Variants in MECOM observed in about 807,000 individuals in gnomAD.
MECOM encodes the protein MDS1 and EVI1 complex locus, also known as histone-lysine N-methyltransferase MECOM.
MECOM carries 13 observed loss-of-function variants against 116.3 expected under a neutral mutation model. That is an observed-to-expected ratio of 0.11 (90% CI 0.07 to 0.18). The LOEUF (loss-of-function observed/expected upper bound fraction) is 0.18, where lower values mean the gene tolerates loss of function less well. MECOM is among the 10% of genes least tolerant of loss of function. The pLI is 1.00. For missense variants in MECOM, 1,299 were observed against 1,509.0 expected, an observed-to-expected ratio of 0.86 and a Z score of 2.31; for synonymous variants, 528 against 535.2, an observed-to-expected ratio of 0.99 and a Z score of 0.19.
chr3:169,290,236 A>G (rs930879347), intron 2 of MECOM, among the ~76,000 whole-genome samples: 1 of 152,200 alleles, frequency 6.6e-6, no homozygotes, highest in African/African-American at 2.4e-5. Context: ...GGCACACTTG[A>G]GATATTTTTG....
chr3:169,406,075 A>G (rs375876117), intron 1 of MECOM, among the ~76,000 whole-genome samples: 74 of 152,340 alleles, frequency 4.9e-4, no homozygotes, highest in African/African-American at 1.7e-3. Flanking sequence ...TTGTTTAGCC[A>G]TTAATGATAT....
chr3:169,283,590 C>G (rs1405454477), intron 2 of MECOM, among the ~76,000 whole-genome samples: 2 of 152,096 alleles, frequency 1.3e-5, no homozygotes, highest in Non-Finnish European at 2.9e-5. Context: ...AATTATAGAT[C>G]TCATCTCCAG....
Position 169,588,473 on chromosome 3 carries a change from G to C in MECOM, c.37+74863C>G, listed in dbSNP as rs16854132. Among the ~76,000 whole-genome samples the C allele has an allele frequency of 4.4e-3, 666 of 152,266 alleles. 5 individuals are homozygous for C. Among genetic ancestry groups the C allele is most frequent in the African/African-American group, 0.015 (634 of 41,552 alleles). ...TGTTAGACATATAAGTGACATGGTG[G>C]CCAGAATTCAGGGGTGAAGGGAACT... is the stretch of plus-strand genomic sequence containing the variant. On this transcript the variant is annotated intron_variant, in intron 1 of 16. Transcript: ENST00000651503.
intron 2 of MECOM, among the ~76,000 whole-genome samples, chr3:169,244,308 T>A (rs1262944208): frequency 6.6e-6 from 1 of 152,186 alleles, no homozygotes; most frequent in African/African-American, 2.4e-5. Flanking sequence ...CTGCTGCAAA[T>A]GTTCTGGTGT....
chr3:169,388,046 GACAGGAAGGATT>G (rs1212239266), intron 1 of MECOM, among the ~76,000 whole-genome samples: 3 of 151,942 alleles, frequency 2.0e-5, no homozygotes, highest in Non-Finnish European at 4.4e-5. Context: ...CTTGCAAGCA[GACAGGAAGGATT>G]ACACGTGGCT....
intron 2 of MECOM, among the ~76,000 whole-genome samples, chr3:169,312,615 T>TG (rs1458250650): frequency 1.3e-5 from 2 of 152,174 alleles, no homozygotes; most frequent in Non-Finnish European, 2.9e-5. Flanking sequence ...CCTGACCTCG[T>TG]GATCCGCCCG....
intron 1 of MECOM, among the ~76,000 whole-genome samples, chr3:169,589,647 C>T (rs915527318): frequency 6.6e-6 from 1 of 152,178 alleles, no homozygotes; most frequent in Non-Finnish European, 1.5e-5. Flanking sequence ...CCTCCCCAAC[C>T]CCCACTGATT....
chr3:169,636,888 C>T (rs1434631056), intron 1 of MECOM, among the ~76,000 whole-genome samples: 3 of 152,182 alleles, frequency 2.0e-5, no homozygotes, highest in African/African-American at 7.2e-5. Flanking sequence ...ACACTCTAGA[C>T]TGTGATCTGT....
At chr3:169,214,576 G>A (rs1376003393) in intron 2 of MECOM, among the ~76,000 whole-genome samples, 1 of 151,696 alleles carries the variant, frequency 6.6e-6, no homozygotes, top group Non-Finnish European at 1.5e-5. Context: ...AAGTCATTGA[G>A]TACCCCAATA....
At chr3:169,383,371 A>G (rs1732794610) in intron 1 of MECOM, among the ~76,000 whole-genome samples, 1 of 152,172 alleles carries the variant, frequency 6.6e-6, no homozygotes, top group Non-Finnish European at 1.5e-5. Context: ...GTACCTTATC[A>G]TCTGCCCTCA....
intron 7 of MECOM, 73 bp from the exon 8 acceptor site, chr3:169,116,812 G>A: frequency 6.7e-7 from 1 of 1,492,922 alleles, no homozygotes; most frequent in South Asian, 1.4e-5. Flanking sequence ...TATCACAATT[G>A]GTTTACTCAA....
rs1242981933 is a variant in MECOM, at chr3:169,580,330, AG to A, written c.37+83005del. On this transcript the variant is annotated intron_variant, in intron 1 of 16. Transcript: ENST00000651503. ...ATTTTGGTGGACCCATCACCCGAGC[AG>A]GGTACGCTGTACCCAATGTGTAGTG... Among the ~76,000 whole-genome samples, 9 of 152,262 alleles carry A rather than the reference AG, an allele frequency of 5.9e-5. No homozygotes were observed. The South Asian group carries it at 1.7e-3, about 28-fold the overall frequency.
At chr3:169,312,937 C>T (rs1719078131) in intron 2 of MECOM, among the ~76,000 whole-genome samples, 1 of 152,118 alleles carries the variant, frequency 6.6e-6, no homozygotes, top group Non-Finnish European at 1.5e-5. Flanking sequence ...TGGAAAGAAA[C>T]ACTGCCCTGG....
chr3:169,233,071 G>T (rs1472577816), intron 2 of MECOM, among the ~76,000 whole-genome samples: 1 of 152,024 alleles, frequency 6.6e-6, no homozygotes, highest in Non-Finnish European at 1.5e-5. Flanking sequence ...TCCCAGTCAG[G>T]ATTAGAAATG....
intron 2 of MECOM, among the ~76,000 whole-genome samples, chr3:169,376,186 A>G (rs1343471360): frequency 2.6e-5 from 4 of 152,180 alleles, no homozygotes; most frequent in Admixed American, 6.6e-5. Context: ...TCTCAAAATA[A>G]TAAGAGCTAT....
chr3:169,093,522 G>T (rs1463683962), intron 13 of MECOM, among the ~76,000 whole-genome samples: 3 of 151,982 alleles, frequency 2.0e-5, no homozygotes, highest in Non-Finnish European at 4.4e-5. Context: ...TTATTTTTTG[G>T]CTACTATGCT....
intron 2 of MECOM, among the ~76,000 whole-genome samples, 184 bp downstream of exon 2, chr3:169,381,003 C>T (rs988397): frequency 0.45 from 67,720 of 151,938 alleles, 15,538 homozygotes; most frequent in Middle Eastern, 0.55. Context: ...CCTCCTATCA[C>T]GCTATACCTT....
chr3:169,478,584 C>T (rs1750823455), intron 1 of MECOM, among the ~76,000 whole-genome samples: 1 of 152,164 alleles, frequency 6.6e-6, no homozygotes, highest in South Asian at 2.1e-4. Flanking sequence ...AATTACTACC[C>T]TTCAGTTGTT....
chr3:169,108,164 A>G (rs1576951940), intron 9 of MECOM, among the ~76,000 whole-genome samples: 2 of 152,194 alleles, frequency 1.3e-5, no homozygotes, highest in South Asian at 4.1e-4. Context: ...TGTTTGAATC[A>G]AGGTTAATTT....
Sources: allele counts gnomAD v4.1 joint callset (sites outside exome capture counted in the v4.1 genomes callset), GRCh38; gene constraint gnomAD v4.1.1; transcripts MANE v1.5; gene names NCBI Gene and HGNC (gene_info 2026-07-23, HGNC 2026-07-21).